HNRNPD: variants seen among roughly 807,000 people sequenced by gnomAD.
The protein encoded by HNRNPD is heterogeneous nuclear ribonucleoprotein D0.
HNRNPD carries 3 observed loss-of-function variants against 47.9 expected under a neutral mutation model. The observed-to-expected ratio is 0.06, with a 90% CI of 0.03 to 0.16. The LOEUF (loss-of-function observed/expected upper bound fraction) is 0.16, where lower values mean the gene tolerates loss of function less well. Among genes scored for constraint, HNRNPD ranks in the 10% least tolerant of loss-of-function variants. HNRNPD has a pLI of 1.00. For synonymous variants in HNRNPD, 171 were observed against 165.1 expected, an observed-to-expected ratio of 1.04 and a Z score of -0.28; for missense variants, 287 against 454.2, an observed-to-expected ratio of 0.63 and a Z score of 3.35.
At chr4:82,371,382 A>G in intron 2 of HNRNPD, 146 bp downstream of exon 2, 2 of 526,596 alleles carry the variant, frequency 3.8e-6, no homozygotes, top group South Asian at 3.3e-5. Flanking sequence ...TGCCTATAAA[A>G]GGTATATATC....
At chr4:82,359,429 ATATTT>A in intron 3 of HNRNPD, 37 bp downstream of exon 3, 1 of 1,345,160 alleles carries the variant, frequency 7.4e-7, no homozygotes, top group Non-Finnish European at 9.9e-7. Flanking sequence ...CCATATGTTA[ATATTT>A]TATATTATTA....
intron 1 of HNRNPD, 121 bp from the exon 2 acceptor site, chr4:82,371,705 G>A: frequency 3.0e-6 from 2 of 673,952 alleles, no homozygotes; most frequent in South Asian, 4.2e-5. Flanking sequence ...AAAGTCAGCT[G>A]CTTTGCGATT....
chr4:82,355,194 A>G, intron 8 of HNRNPD, 110 bp downstream of exon 8: 1 of 681,474 alleles, frequency 1.5e-6, no homozygotes, highest in Non-Finnish European at 2.6e-6. Context: ...TAATATGGTA[A>G]GCACTTCTGG....
chr4:82,366,212 T>C (rs546235000), intron 2 of HNRNPD, among the ~76,000 whole-genome samples: 157 of 152,292 alleles, frequency 1.0e-3, no homozygotes, highest in Middle Eastern at 3.4e-3. Flanking sequence ...AAAAGCGAAG[T>C]TGAAAAAATA....
At chr4:82,373,017 C>T in intron 1 of HNRNPD, 1 of 400,570 alleles carries the variant, frequency 2.5e-6, no homozygotes, top group Non-Finnish European at 5.0e-6. Context: ...ACCAAATAAA[C>T]CTTAGTAATA....
intron 2 of HNRNPD, among the ~76,000 whole-genome samples, chr4:82,367,608 G>A (rs1200589008): frequency 6.6e-6 from 1 of 152,078 alleles, no homozygotes; most frequent in East Asian, 1.9e-4. Context: ...GGCTGTGTGG[G>A]CTCTGTGGTA....
chr4:82,366,567 CT>C lies in HNRNPD; in HGVS notation c.290+4960del, dbSNP rs575034051. On this transcript the variant is annotated intron_variant, in intron 2 of 8. Coordinates refer to ENST00000313899, the MANE Select transcript of HNRNPD (RefSeq NM_031370.3). ...CCAACATGACAGTTTTTTAAATAAA[CT>C]TTTTTTTTCTTTTTTTGAGACGGAG... 6.6e-5 allele frequency among the ~76,000 whole-genome samples: 10 copies of C among 151,460 alleles called. No homozygotes were observed. In the East Asian group the frequency reaches 7.8e-4, roughly 12 times the overall value.
In HNRNPD at chr4:82,353,732, G is replaced by C. The variant is rs1723606288; in HGVS notation, c.*453C>G. On this transcript the variant is annotated 3_prime_UTR_variant, in exon 9 of 9. Coordinates refer to ENST00000313899, the MANE Select transcript of HNRNPD (RefSeq NM_031370.3). ...CAAACTTCACTGCAATTTTAATCAT[G>C]TCCTCAATTTCGGCAAGCCTGTCTT... 1 of 152,602 alleles carries C rather than the reference G, an allele frequency of 6.6e-6. No homozygotes were observed. The highest frequency in any genetic ancestry group is 1.5e-5 in the Non-Finnish European group (1 of 68,016). The allele number at this position is 152,602 out of a possible 1,614,324, so 9.5% of individuals were successfully genotyped here. A position where few individuals can be genotyped will look rare whatever the true frequency, so the allele number is the denominator to read the frequency against.
intron 2 of HNRNPD, 88 bp downstream of exon 2, chr4:82,371,440 A>T: frequency 1.0e-6 from 1 of 997,964 alleles, no homozygotes; most frequent in Non-Finnish European, 1.5e-6. Flanking sequence ...TTTCCTGGGG[A>T]TCAATGGGCA....
chr4:82,357,769 G>A (rs138920478), intron 4 of HNRNPD: 439 of 181,336 alleles, frequency 2.4e-3, no homozygotes, highest in African/African-American at 9.9e-3. Context: ...GAATAAAAAT[G>A]TATTTGAGAG....
At chr4:82,367,942 A>C (rs908721156) in intron 2 of HNRNPD, among the ~76,000 whole-genome samples, 3 of 152,186 alleles carry the variant, frequency 2.0e-5, no homozygotes, top group African/African-American at 4.8e-5. Context: ...AGTAACAAAC[A>C]TGTCGTATTA....
chr4:82,373,463 C>A lies in HNRNPD; in HGVS notation c.216G>T (p.Lys72Asn). 1 of 1,570,506 alleles carries A rather than the reference C, an allele frequency of 6.4e-7. No homozygotes were observed. The highest frequency in any genetic ancestry group is 8.6e-7 in the Non-Finnish European group (1 of 1,156,560). ...ESEGAKIDAS[K>N]NEEDEGHSNS... is the part of the protein sequence containing the mutation. ...TTACTCACCCTTCATCCTCCTCGTT[C>A]TTACTGGCGTCAATCTTCGCCCCCT... The change falls in exon 1 of 9, where the codon AAG becomes AAT. Residue 72 changes from lysine (K) to asparagine (N), a missense_variant. Physicochemically the swap from Lys to Asn is moderately conservative, Grantham distance 94. This residue lies in a region of HNRNPD where 161 missense variants were observed against 137.1 expected (regional missense o/e 1.17). Transcript: ENST00000313899.
chr4:82,366,679 G>A (rs769792915), intron 2 of HNRNPD, among the ~76,000 whole-genome samples: 24 of 152,068 alleles, frequency 1.6e-4, no homozygotes, highest in South Asian at 4.1e-4. Context: ...TGATTCTCCC[G>A]CCTCAGCCTC....
chr4:82,368,821 TCAAA>T (rs1428062844), intron 2 of HNRNPD, among the ~76,000 whole-genome samples: 2 of 152,116 alleles, frequency 1.3e-5, no homozygotes, highest in African/African-American at 4.8e-5. Context: ...GACCATAATC[TCAAA>T]CATTTAAAGC....
At chr4:82,366,838 G>C (rs2109999378) in intron 2 of HNRNPD, among the ~76,000 whole-genome samples, 1 of 152,196 alleles carries the variant, frequency 6.6e-6, no homozygotes, top group East Asian at 1.9e-4. Flanking sequence ...TGAGATTACA[G>C]GTGTGAGCCA....
At chr4:82,357,532 A>T (rs1294508202) in intron 4 of HNRNPD, 88 bp from the exon 5 acceptor site, 11 of 1,119,816 alleles carry the variant, frequency 9.8e-6, no homozygotes, top group Non-Finnish European at 1.2e-5. Flanking sequence ...AAAACACACA[A>T]AGAAAACATG....
intron 2 of HNRNPD, among the ~76,000 whole-genome samples, chr4:82,363,044 GTGTGTA>G (rs1719558711): frequency 6.7e-6 from 1 of 149,074 alleles, no homozygotes; most frequent in South Asian, 2.1e-4. Context: ...GTGTGTGTGT[GTGTGTA>G]TATATATATA....
intron 5 of HNRNPD, 37 bp from the exon 6 acceptor site, chr4:82,356,932 G>C: frequency 6.6e-7 from 1 of 1,524,602 alleles, no homozygotes; most frequent in Non-Finnish European, 9.1e-7. Flanking sequence ...ACTGACTCAA[G>C]AAAATAAAAG....
chr4:82,356,943 T>C, intron 5 of HNRNPD, 48 bp from the exon 6 acceptor site: 2 of 1,498,620 alleles, frequency 1.3e-6, no homozygotes, highest in South Asian at 1.1e-5. Flanking sequence ...AAAATAAAAG[T>C]TGCTAAATAA....
Sources: allele counts gnomAD v4.1 joint callset (sites outside exome capture counted in the v4.1 genomes callset), GRCh38; gene constraint gnomAD v4.1.1; regional missense constraint gnomAD v4.1.1; transcripts MANE v1.5; gene names NCBI Gene and HGNC (gene_info 2026-07-23, HGNC 2026-07-21).